The following CYP4X1 variants were observed in gnomAD, a reference collection of about 807,000 sequenced individuals.
CYP4X1 encodes cytochrome P450 family 4 subfamily X member 1, also known as cytochrome P450 4X1.
Under a neutral mutation model 57.9 loss-of-function variants are expected in CYP4X1, and 44 were observed. That is an observed-to-expected ratio of 0.76 (90% CI 0.60 to 0.98). The LOEUF is 0.98. CYP4X1 is among the 50% of genes least tolerant of loss of function. The pLI is 0.00. For missense variants in CYP4X1, 532 were observed against 623.9 expected (o/e 0.85, Z 1.57); for synonymous variants, 227 against 228.6 (o/e 0.99, Z 0.06).
chr1:47,010,773 A>T, the CYP4X1 span, among the ~76,000 whole-genome samples: 1 of 152,240 alleles, frequency 6.6e-6, no homozygotes, highest in Non-Finnish European at 1.5e-5. Flanking sequence ...AATAACAGAC[A>T]GAGAGCCAAA....
chr1:46,984,479 G>C, the CYP4X1 span, among the ~76,000 whole-genome samples: 1 of 152,002 alleles, frequency 6.6e-6, no homozygotes, highest in African/African-American at 2.4e-5. Context: ...CAGAATGTGG[G>C]TGGTTTCTGC....
In CYP4X1 at chr1:47,023,741, C is replaced by T; in HGVS notation, c.-77C>T. 2 of 1,534,480 alleles carry T rather than the reference C, an allele frequency of 1.3e-6. No homozygotes were observed. The highest frequency in any genetic ancestry group is 8.8e-7 in the Non-Finnish European group (1 of 1,142,284). On this transcript the variant is annotated 5_prime_UTR_variant, in exon 1 of 12. In the 5' UTR this introduces an upstream ATG that the reference lacks. Transcript: ENST00000371901. ...AGAGGCGGTGGGGTGGGCGACCCTA[C>T]GCCAGCTCCGGGCGGGAGAAAGCCC...
chr1:47,045,748 A>G (rs963907079), intron 8 of CYP4X1, among the ~76,000 whole-genome samples: 1 of 152,194 alleles, frequency 6.6e-6, no homozygotes, highest in African/African-American at 2.4e-5. Context: ...CCTTTCTCTC[A>G]AGAGGAAACT....
At chr1:47,055,153 CT>C (rs1644385483), downstream of CYP4X1, among the ~76,000 whole-genome samples, 1 of 152,108 alleles carries the variant, frequency 6.6e-6, no homozygotes, top group African/African-American at 2.4e-5. Context: ...TGTCAAAGGC[CT>C]TTTCTGCATC....
chr1:47,039,840 G>C (rs1472640466), intron 8 of CYP4X1: 1 of 179,634 alleles, frequency 5.6e-6, no homozygotes, highest in Non-Finnish European at 1.2e-5. Flanking sequence ...TGATCCCTGG[G>C]CTGGCACTTA....
chr1:46,976,169 G>A, the CYP4X1 span, among the ~76,000 whole-genome samples: 1 of 152,252 alleles, frequency 6.6e-6, no homozygotes, highest in Admixed American at 6.5e-5. Context: ...AAGTGCAAGG[G>A]GTCTGGGGAT....
chr1:47,045,714 G>A (rs1644293772), intron 8 of CYP4X1, among the ~76,000 whole-genome samples: 1 of 152,202 alleles, frequency 6.6e-6, no homozygotes, highest in Non-Finnish European at 1.5e-5. Context: ...CATGCCAAAG[G>A]GCTTGGTGGA....
intron 1 of CYP4X1, 69 bp downstream of exon 1, chr1:47,024,063 C>G: frequency 6.6e-7 from 1 of 1,514,972 alleles, no homozygotes; most frequent in Non-Finnish European, 8.9e-7. Context: ...GGAGCCCAGC[C>G]GGCAGAGAGA....
At chr1:46,971,214 G>A in the CYP4X1 span, among the ~76,000 whole-genome samples, 3 of 152,048 alleles carry the variant, frequency 2.0e-5, no homozygotes, top group Admixed American at 6.6e-5. Flanking sequence ...TTAGGATAAC[G>A]GCCTCCTGCT....
the CYP4X1 span, among the ~76,000 whole-genome samples, chr1:46,982,138 GAAA>G: frequency 6.6e-6 from 1 of 151,886 alleles, no homozygotes; most frequent in African/African-American, 2.4e-5. Flanking sequence ...AATAAAAAAA[GAAA>G]AAAATCCATT....
chr1:47,037,272 A>T (rs1054499563), intron 6 of CYP4X1, among the ~76,000 whole-genome samples: 2 of 115,870 alleles, frequency 1.7e-5, no homozygotes, highest in Non-Finnish European at 3.4e-5. Flanking sequence ...AACCTTTTCA[A>T]TTTTTTTTTT....
At chr1:46,981,071 G>A in the CYP4X1 span, among the ~76,000 whole-genome samples, 16 of 152,202 alleles carry the variant, frequency 1.1e-4, no homozygotes, top group South Asian at 1.5e-3. Context: ...CATAGGCACG[G>A]GTAAGGACTT....
At chr1:46,987,361 C>A in the CYP4X1 span, among the ~76,000 whole-genome samples, 1 of 152,128 alleles carries the variant, frequency 6.6e-6, no homozygotes, top group African/African-American at 2.4e-5. Flanking sequence ...GCACCCAATA[C>A]AGGAGCACCC....
intron 2 of CYP4X1, 50 bp from the exon 3 acceptor site, chr1:47,031,386 T>G (rs778729604): frequency 6.2e-7 from 1 of 1,603,216 alleles, no homozygotes; most frequent in East Asian, 2.2e-5. Flanking sequence ...GAACTGATAA[T>G]GAATGCTCCC....
At chr1:46,987,455 A>G in the CYP4X1 span, among the ~76,000 whole-genome samples, 3 of 152,078 alleles carry the variant, frequency 2.0e-5, no homozygotes, top group South Asian at 2.1e-4. Flanking sequence ...ACACCCCACC[A>G]TCAATATTAG....
the CYP4X1 span, among the ~76,000 whole-genome samples, chr1:46,980,051 C>T: frequency 6.6e-6 from 1 of 152,172 alleles, no homozygotes; most frequent in South Asian, 2.1e-4. Flanking sequence ...GAAGCATTCC[C>T]TTTGAAAACT....
the CYP4X1 span, among the ~76,000 whole-genome samples, chr1:47,005,529 G>T: frequency 6.6e-6 from 1 of 152,106 alleles, no homozygotes; most frequent in African/African-American, 2.4e-5. Context: ...CCAAGCTATT[G>T]GATCTTCATT....
At chr1:47,015,494 C>A in the CYP4X1 span, among the ~76,000 whole-genome samples, 1 of 152,210 alleles carries the variant, frequency 6.6e-6, no homozygotes, top group Non-Finnish European at 1.5e-5. Context: ...ATACAATCTG[C>A]CTGTTTCCTC....
the CYP4X1 span, among the ~76,000 whole-genome samples, chr1:47,013,922 C>A: frequency 1.3e-5 from 2 of 151,910 alleles, no homozygotes; most frequent in African/African-American, 4.8e-5. Context: ...TTACAGGTAT[C>A]CACCACCATG....
Sources: allele counts gnomAD v4.1 joint callset (sites outside exome capture counted in the v4.1 genomes callset), GRCh38; gene constraint gnomAD v4.1.1; transcripts MANE v1.5; gene names NCBI Gene and HGNC (gene_info 2026-07-23, HGNC 2026-07-21).